TNFSF4: variants seen among roughly 807,000 people sequenced by gnomAD.
The protein encoded by TNFSF4 is tumor necrosis factor ligand superfamily member 4.
In TNFSF4, 4 loss-of-function variants were observed where a neutral mutation model predicts 7.3. The ratio of observed to expected loss-of-function variants is 0.55; its 90% CI spans 0.27 to 1.25. The LOEUF (loss-of-function observed/expected upper bound fraction) is 1.25, where lower values mean the gene tolerates loss of function less well. Among genes scored for constraint, TNFSF4 ranks in the 50% most tolerant of loss-of-function variants. The pLI is 0.12. For synonymous variants in TNFSF4, 76 were observed against 83.7 expected (o/e 0.91, Z 0.50); for missense variants, 181 against 208.8 (o/e 0.87, Z 0.82).
the TNFSF4 span, among the ~76,000 whole-genome samples, chr1:173,241,855 G>A: frequency 4.6e-5 from 7 of 152,292 alleles, no homozygotes; most frequent in East Asian, 1.9e-4. Context: ...GGTGGAAGAC[G>A]AGGTAGGGTG....
At chr1:173,329,272 C>T in the TNFSF4 span, among the ~76,000 whole-genome samples, 1 of 152,116 alleles carries the variant, frequency 6.6e-6, no homozygotes, top group African/African-American at 2.4e-5. Context: ...ATAACGTATG[C>T]ACATCCTCTC....
At chr1:173,381,327 T>A in the TNFSF4 span, among the ~76,000 whole-genome samples, 207 of 152,302 alleles carry the variant, frequency 1.4e-3, 3 homozygotes, top group East Asian at 0.035. Context: ...AGGGATAGTA[T>A]GAGATGCCAC....
the TNFSF4 span, among the ~76,000 whole-genome samples, chr1:173,340,338 A>T: frequency 6.6e-6 from 1 of 150,528 alleles, no homozygotes; most frequent in East Asian, 2.0e-4. Flanking sequence ...ACACACACAC[A>T]CACACACACA....
At chr1:173,245,911 T>C in the TNFSF4 span, among the ~76,000 whole-genome samples, 4 of 152,240 alleles carry the variant, frequency 2.6e-5, no homozygotes, top group African/African-American at 9.6e-5. Flanking sequence ...CCATGAATGA[T>C]AGAATTTTAT....
chr1:173,221,635 T>C, the TNFSF4 span, among the ~76,000 whole-genome samples: 2 of 152,138 alleles, frequency 1.3e-5, no homozygotes, highest in African/African-American at 2.4e-5. Context: ...GAGGAGCAGA[T>C]AGGGAGAGGC....
the TNFSF4 span, among the ~76,000 whole-genome samples, chr1:173,302,084 G>T: frequency 3.9e-5 from 6 of 151,936 alleles, no homozygotes; most frequent in East Asian, 9.7e-4. Context: ...TGGAAGCCTG[G>T]GTTCTAGTAC....
At chr1:173,363,092 GTTC>G in the TNFSF4 span, 1 of 340,298 alleles carries the variant, frequency 2.9e-6, no homozygotes, top group African/African-American at 2.2e-5. Flanking sequence ...TTCCTTTCCT[GTTC>G]TTCTTCAGAG....
chr1:173,314,254 T>C, the TNFSF4 span, among the ~76,000 whole-genome samples: 3 of 152,170 alleles, frequency 2.0e-5, no homozygotes, highest in Non-Finnish European at 2.9e-5. Flanking sequence ...GTATCTTGTC[T>C]TCTAAGAACA....
the TNFSF4 span, among the ~76,000 whole-genome samples, chr1:173,275,255 A>G: frequency 1.1e-4 from 16 of 152,246 alleles, no homozygotes; most frequent in Admixed American, 5.9e-4. Flanking sequence ...CCCATCCCAG[A>G]TGAGGAACCC....
chr1:173,338,001 T>A, the TNFSF4 span, among the ~76,000 whole-genome samples: 16 of 152,102 alleles, frequency 1.1e-4, no homozygotes, highest in Admixed American at 7.9e-4. Context: ...CATTGTCCAA[T>A]AGGATCATGA....
At chr1:173,380,852 C>T in the TNFSF4 span, among the ~76,000 whole-genome samples, 4 of 152,186 alleles carry the variant, frequency 2.6e-5, no homozygotes, top group Non-Finnish European at 5.9e-5. Context: ...TTTTAACATA[C>T]ACAACCAGTT....
chr1:173,220,371 G>A, the TNFSF4 span, among the ~76,000 whole-genome samples: 2 of 152,052 alleles, frequency 1.3e-5, no homozygotes, highest in Non-Finnish European at 2.9e-5. Context: ...TTGCTCATTT[G>A]CACATTTTTT....
chr1:173,352,156 A>T, the TNFSF4 span, among the ~76,000 whole-genome samples: 2 of 152,214 alleles, frequency 1.3e-5, no homozygotes, highest in Non-Finnish European at 2.9e-5. Context: ...GACCTCAGAC[A>T]CTGGGTTCCT....
intron 1 of TNFSF4, among the ~76,000 whole-genome samples, 189 bp from the exon 2 acceptor site, chr1:173,188,758 G>A (rs1649344942): frequency 6.6e-6 from 1 of 152,152 alleles, no homozygotes; most frequent in African/African-American, 2.4e-5. Context: ...TGACACCCAG[G>A]CTGGAGTGCA....
chr1:173,246,629 A>G, the TNFSF4 span, among the ~76,000 whole-genome samples: 1 of 152,232 alleles, frequency 6.6e-6, no homozygotes, highest in Non-Finnish European at 1.5e-5. Context: ...TTTGCTGAAT[A>G]TGTTCAGCAA....
intron 1 of TNFSF4, among the ~76,000 whole-genome samples, chr1:173,204,736 ACAC>A (rs561791275): frequency 8.6e-5 from 13 of 151,924 alleles, no homozygotes; most frequent in South Asian, 8.3e-4. Context: ...ATCACTACCA[ACAC>A]CACCACCACC....
chr1:173,358,234 C>T, the TNFSF4 span, among the ~76,000 whole-genome samples: 4 of 152,182 alleles, frequency 2.6e-5, no homozygotes, highest in Non-Finnish European at 5.9e-5. Context: ...AATAGATTCT[C>T]CCCTAGTGCC....
the TNFSF4 span, among the ~76,000 whole-genome samples, chr1:173,396,055 T>C: frequency 6.6e-6 from 1 of 152,054 alleles, no homozygotes; most frequent in African/African-American, 2.4e-5. Context: ...CCTCACCACC[T>C]CTCTTTGCTT....
the TNFSF4 span, among the ~76,000 whole-genome samples, chr1:173,433,184 T>C: frequency 6.6e-6 from 1 of 152,284 alleles, no homozygotes; most frequent in South Asian, 2.1e-4. Context: ...ATAAATGTAT[T>C]GTGGCAGTCC....
Sources: gnomAD v4.1 joint callset for allele counts (sites outside exome capture counted in the v4.1 genomes callset) on GRCh38, gnomAD v4.1.1 for gene constraint, MANE v1.5 for transcripts, NCBI Gene and HGNC (gene_info 2026-07-23, HGNC 2026-07-21) for gene names.